Variants in KANK3 observed in about 807,000 individuals in gnomAD.
The protein encoded by KANK3 is KN motif and ankyrin repeat domain-containing protein 3.
Under a neutral mutation model 65.4 loss-of-function variants are expected in KANK3, and 61 were observed. That is an observed-to-expected ratio of 0.93 (90% CI 0.76 to 1.15). KANK3 has a LOEUF of 1.15. KANK3 is among the 50% of genes most tolerant of loss of function. KANK3 has a pLI of 0.00. For synonymous variants in KANK3, 586 were observed against 543.3 expected, an observed-to-expected ratio of 1.08 and a Z score of -1.09; for missense variants, 1,187 against 1,178.8, an observed-to-expected ratio of 1.01 and a Z score of -0.10.
Position 8,334,712 on chromosome 19 carries a change from A to G in KANK3, c.1115T>C (p.Leu372Pro), listed in dbSNP as rs1179973572. ...LEHQRGVSEL[L>P]RGRLRELEEA... ...CTCCAGCTCCCGCAACCGGCCCCGC[A>G]GAAGCTCACTCACCCCGCGCTGGTG... is the stretch of plus-strand genomic sequence containing the variant. The change falls in exon 3 of 11, where the codon CTG becomes CCG. Residue 372 changes from leucine (L) to proline (P), a missense_variant. Coordinates refer to ENST00000330915, the MANE Select transcript of KANK3 (RefSeq NM_198471.3). 1 of 1,531,570 alleles carries G rather than the reference A, an allele frequency of 6.5e-7. No individual in the cohort carries two copies. Among genetic ancestry groups the G allele is most frequent in the Non-Finnish European group, 8.7e-7 (1 of 1,145,742 alleles). The allele number at this position is 1,531,570 out of a possible 1,614,324, so 94.9% of individuals were successfully genotyped here. A position where few individuals can be genotyped will look rare whatever the true frequency, so the allele number is the denominator to read the frequency against.
chr19:8,334,013 C>A lies in KANK3; in HGVS notation c.1531G>T (p.Gly511Cys). 1 of 1,559,444 alleles carries A rather than the reference C, an allele frequency of 6.4e-7. No individual in the cohort carries two copies. Among genetic ancestry groups the A allele is most frequent in the East Asian group, 2.4e-5 (1 of 41,956 alleles). The change falls in exon 5 of 11, where the codon GGC (glycine) becomes TGC (cysteine). Residue 511 changes from glycine to cysteine, a missense_variant. This residue lies in a region of KANK3 where 1,078 missense variants were observed against 1,038.2 expected (regional missense o/e 1.04). Transcript: ENST00000330915. ...GGGGTGCCCGAGTCGGATCCCCCGC[C>A]GCTGTCATCCCCGGAGCCCGAGGAG... ...GSSSGSGDDSGGGSDSGTPGP... is the reference protein window; with the variant it reads ...GSSSGSGDDSCGGSDSGTPGP...
At chr19:8,340,453 C>T (rs1052942686) in intron 1 of KANK3, among the ~76,000 whole-genome samples, 1 of 152,094 alleles carries the variant, frequency 6.6e-6, no homozygotes, top group African/African-American at 2.4e-5. Flanking sequence ...TGCCCATCTG[C>T]GGAACCCTTG....
chr19:8,335,998 C>T lies in KANK3; in HGVS notation c.35-206G>A, dbSNP rs989096002. Among the ~76,000 whole-genome samples, 7 of 152,392 alleles carry T rather than the reference C, an allele frequency of 4.6e-5. No individual in the cohort carries two copies. In the East Asian group the frequency reaches 1.2e-3, roughly 25 times the overall value. ...GGGACACAGCAGTGAGCAAGACAAA[C>T]ATCCCTGTCCTCCTGTAGAAAGCAG... On this transcript the variant is annotated intron_variant, in intron 2 of 10. Transcript: ENST00000330915.
intron 10 of KANK3, 100 bp downstream of exon 10, chr19:8,324,349 A>T: frequency 9.1e-7 from 1 of 1,094,684 alleles, no homozygotes; most frequent in Non-Finnish European, 1.3e-6. Context: ...CCCTGGTGCC[A>T]CCTTTGGGGA....
At chr19:8,332,985 T>TTTTTGG in intron 7 of KANK3, 29 bp downstream of exon 7, 1 of 585,692 alleles carries the variant, frequency 1.7e-6, no homozygotes, top group East Asian at 3.5e-5. Context: ...CATTTCCTGG[T>TTTTTGG]GTCCCACCCA....
chr19:8,335,150 G>A lies in KANK3; in HGVS notation c.677C>T (p.Ala226Val), dbSNP rs896301276. The change falls in exon 3 of 11, where the codon GCC (alanine) becomes GTC (valine). Residue 226 changes from alanine to valine, a missense_variant. This residue lies in a region of KANK3 where 1,078 missense variants were observed against 1,038.2 expected (regional missense o/e 1.04). Transcript: ENST00000330915. ...GTCCGGCTCGGGCTGCGCGCGCCCG[G>A]CCAGCAGCCGCGCCTTCTCGGCGCG... ...ALRAEKARLLAGRAQPEPDGE... is the reference protein window; with the variant it reads ...ALRAEKARLLVGRAQPEPDGE... 101 of 1,218,712 alleles carry A rather than the reference G, an allele frequency of 8.3e-5. No individual in the cohort carries two copies. Among genetic ancestry groups the A allele is most frequent in the Non-Finnish European group, 7.2e-5 (71 of 980,964 alleles). 75.5% of individuals were successfully genotyped at this position (1,218,712 alleles called of 1,614,324 possible). A position where few individuals can be genotyped will look rare whatever the true frequency, so the allele number is the denominator to read the frequency against.
intron 7 of KANK3, among the ~76,000 whole-genome samples, 200 bp from the exon 8 acceptor site, chr19:8,325,296 C>CTTTTTTTTTTT (rs573315741): frequency 0.026 from 2,023 of 78,590 alleles, 278 homozygotes; most frequent in African/African-American, 0.034. Flanking sequence ...CCTGTTTCAT[C>CTTTTTTTTTTT]TTTTTTTTTT....
rs1463845682 is a variant in KANK3, at chr19:8,324,622, G to A, written c.2283+8C>T. 3.7e-6 allele frequency: 6 copies of A among 1,613,614 alleles called. No individual in the cohort carries two copies. The highest frequency in any genetic ancestry group is 1.1e-5 in the South Asian group (1 of 91,072). ...CCCCAAGATGCCAGCCCCATTGTGG[G>A]GTCTTACATTGTCCAGGATGGCAGG... On this transcript the variant is annotated splice_region_variant and intron_variant, in intron 9 of 10. Coordinates refer to ENST00000330915, the MANE Select transcript of KANK3 (RefSeq NM_198471.3).
intron 7 of KANK3, 27 bp downstream of exon 7, chr19:8,332,987 T>TGTGGGGC: frequency 5.1e-6 from 2 of 395,194 alleles, no homozygotes; most frequent in South Asian, 2.5e-5. Flanking sequence ...TTTCCTGGTG[T>TGTGGGGC]CCCACCCACC....
chr19:8,335,738 G>A lies in KANK3; in HGVS notation c.89C>T (p.Pro30Leu). 2 of 1,246,014 alleles carry A rather than the reference G, an allele frequency of 1.6e-6. No individual in the cohort carries two copies. The highest frequency in any genetic ancestry group is 2.0e-6 in the Non-Finnish European group (2 of 990,548). 77.2% of individuals were successfully genotyped at this position (1,246,014 alleles called of 1,614,324 possible). The part of the protein sequence containing the change: ...PVPAAGGARS[P>L]SSPYSVETPY... ...CGTCTCCACCGAGTAGGGCGAGCTC[G>A]GGCTGCGTGCGCCCCCGGCGGCGGG... is the stretch of plus-strand genomic sequence containing the variant. The change falls in exon 3 of 11, where the codon CCG (proline) becomes CTG (leucine). Residue 30 changes from proline (P) to leucine (L), a missense_variant. By Grantham distance (98) the Pro-to-Leu change is moderately conservative. Around this residue, in one of 3 missense-constraint regions of KANK3, gnomAD observed 104 missense variants for 122.1 expected, o/e 0.85. Coordinates refer to ENST00000330915, the MANE Select transcript of KANK3 (RefSeq NM_198471.3).
intron 1 of KANK3, among the ~76,000 whole-genome samples, chr19:8,342,772 A>C (rs1262752020): frequency 2.0e-5 from 3 of 152,144 alleles, no homozygotes; most frequent in Admixed American, 2.0e-4. Context: ...ACAGAGACAG[A>C]GCAGTTTCCT....
intron 1 of KANK3, 104 bp from the exon 2 acceptor site, chr19:8,337,960 C>T: frequency 6.6e-7 from 1 of 1,520,080 alleles, no homozygotes; most frequent in Admixed American, 2.0e-5. Context: ...TCTCCTCCAC[C>T]CAGCCACCTC....
At chr19:8,324,920 G>A (rs2145411868) in intron 8 of KANK3, 31 bp downstream of exon 8, 1 of 1,608,482 alleles carries the variant, frequency 6.2e-7, no homozygotes, top group East Asian at 2.2e-5. Context: ...GTGACTCCTG[G>A]CTGAGAGCCA....
chr19:8,323,180 G>C (rs1302236443), intron 10 of KANK3: 1 of 315,092 alleles, frequency 3.2e-6, no homozygotes, highest in Non-Finnish European at 5.8e-6. Flanking sequence ...TGAAAGTATT[G>C]CAAGTTGAAA....
Position 8,335,640 on chromosome 19 carries a change from G to GGCGGGCA in KANK3, c.180_186dup (p.Arg63CysfsTer25), listed in dbSNP as rs1174529745. On this transcript the variant is annotated frameshift_variant, in exon 3 of 11. Transcript: ENST00000330915. LOFTEE classifies it high-confidence loss of function. ...CGCGAGGTCGGGGGTCCCGGGGCGC[G>GGCGGGCA]GCGGGCAGCGGGGCCACGCTCCAGC... The GGCGGGCA allele has an allele frequency of 7.2e-6, 9 of 1,245,886 alleles. No individual in the cohort carries two copies. The highest frequency in any genetic ancestry group is 8.1e-6 in the Non-Finnish European group (8 of 992,420). 77.2% of individuals were successfully genotyped at this position (1,245,886 alleles called of 1,614,324 possible).
In KANK3 at chr19:8,333,677, G is replaced by T; in HGVS notation, c.1719+47C>A. On this transcript the variant is annotated intron_variant, in intron 6 of 10. Transcript: ENST00000330915. This position sits in a 1 kb window ranked among gnomAD's most constrained non-coding sequence, Gnocchi z 5.0. ...CCCTAAGTGGGCGTCAGAGGTCCTTGGAGGCTCCCACGCCACTCCCTGGTG... is the reference window on the plus strand; with the variant it reads ...CCCTAAGTGGGCGTCAGAGGTCCTTTGAGGCTCCCACGCCACTCCCTGGTG... The T allele has an allele frequency of 1.4e-6, 2 of 1,395,964 alleles. No homozygotes were observed. The highest frequency in any genetic ancestry group is 9.4e-7 in the Non-Finnish European group (1 of 1,065,562). The allele number at this position is 1,395,964 out of a possible 1,614,324, so 86.5% of individuals were successfully genotyped here. A position where few individuals can be genotyped will look rare whatever the true frequency, so the allele number is the denominator to read the frequency against.
At chr19:8,326,750 T>C (rs1463105653) in intron 7 of KANK3, among the ~76,000 whole-genome samples, 2 of 150,142 alleles carry the variant, frequency 1.3e-5, no homozygotes, top group South Asian at 2.1e-4. Context: ...TGAGCCGAGA[T>C]TGCGCCACTG....
Position 8,335,114 on chromosome 19 carries a change from T to C in KANK3, c.713A>G (p.Glu238Gly). The stretch of plus-strand genomic sequence containing the variant: ...CTGGGCGAGCTTGTCCGGGCGCGTC[T>C]CAGCCTCCCCGTCCGGCTCGGGCTG... Reference protein sequence around the residue: ...RAQPEPDGEAETRPDKLAQLR... With the variant: ...RAQPEPDGEAGTRPDKLAQLR... Residue 238 changes from glutamate to glycine, a missense_variant, in exon 3 of 11, where the codon GAG becomes GGG. Physicochemically the swap from Glu to Gly is moderately conservative, Grantham distance 98. Coordinates refer to ENST00000330915, the MANE Select transcript of KANK3 (RefSeq NM_198471.3). The C allele has an allele frequency of 1.6e-6, 2 of 1,273,970 alleles. No homozygotes were observed. The highest frequency in any genetic ancestry group is 2.0e-6 in the Non-Finnish European group (2 of 1,013,044). 78.9% of individuals were successfully genotyped at this position (1,273,970 alleles called of 1,614,324 possible). A position where few individuals can be genotyped will look rare whatever the true frequency, so the allele number is the denominator to read the frequency against.
intron 7 of KANK3, among the ~76,000 whole-genome samples, chr19:8,331,460 G>C (rs1006327209): frequency 6.6e-6 from 1 of 152,156 alleles, no homozygotes. Flanking sequence ...GCGTGTTTAG[G>C]GGGTTGGGGG....
Sources: allele counts gnomAD v4.1 joint callset (sites outside exome capture counted in the v4.1 genomes callset), GRCh38; gene constraint gnomAD v4.1.1; regional missense constraint gnomAD v4.1.1; non-coding constraint Gnocchi (gnomAD v3.1); transcripts MANE v1.5; gene names NCBI Gene and HGNC (gene_info 2026-07-23, HGNC 2026-07-21).